Variants in BMAL1 observed in about 807,000 individuals in gnomAD.
The protein encoded by BMAL1 is basic helix-loop-helix ARNT-like protein 1.
chr11:13,379,894 GA>G, the BMAL1 span: 1 of 152,204 alleles, frequency 6.6e-6, no homozygotes, highest in Non-Finnish European at 1.5e-5. Context: ...AAACCTGTAA[GA>G]CCCCATTTGT....
chr11:13,340,634 C>A, the BMAL1 span, among the ~76,000 whole-genome samples: 111 of 152,312 alleles, frequency 7.3e-4, 2 homozygotes, highest in Admixed American at 5.8e-3. Flanking sequence ...CCTGCAGCCA[C>A]TCTCCTCAAC....
chr11:13,294,461 A>G, the BMAL1 span, among the ~76,000 whole-genome samples: 8 of 152,238 alleles, frequency 5.3e-5, no homozygotes, highest in Non-Finnish European at 1.0e-4. Context: ...TAATCTCACA[A>G]ATTAACACTC....
At chr11:13,354,436 C>A in the BMAL1 span, 1 of 1,614,038 alleles carries the variant, frequency 6.2e-7, no homozygotes, top group Non-Finnish European at 8.5e-7. Flanking sequence ...AAAGGCAGCT[C>A]CACTGACTAC....
chr11:13,356,752 A>G, the BMAL1 span: 2 of 1,614,230 alleles, frequency 1.2e-6, no homozygotes, highest in Non-Finnish European at 1.7e-6. Context: ...AAGCATGGAC[A>G]CAGACAAAGA....
At chr11:13,345,694 T>TA in the BMAL1 span, among the ~76,000 whole-genome samples, 1 of 152,180 alleles carries the variant, frequency 6.6e-6, no homozygotes, top group Non-Finnish European at 1.5e-5. Context: ...TCATTTTAAG[T>TA]AAGATAAGTT....
the BMAL1 span, among the ~76,000 whole-genome samples, chr11:13,373,161 G>A: frequency 3.3e-5 from 5 of 152,168 alleles, no homozygotes; most frequent in East Asian, 1.9e-4. Context: ...GTTGGACAGC[G>A]TTGATCTAAT....
the BMAL1 span, among the ~76,000 whole-genome samples, chr11:13,306,707 C>T: frequency 3.3e-5 from 5 of 152,168 alleles, no homozygotes; most frequent in Non-Finnish European, 7.3e-5. Context: ...CAGAAAACGG[C>T]GTGATGGGCC....
At chr11:13,278,352 G>A in the BMAL1 span, among the ~76,000 whole-genome samples, 482 of 152,334 alleles carry the variant, frequency 3.2e-3, 4 homozygotes, top group African/African-American at 0.011. Context: ...GGCCGAAGAG[G>A]ACTCCTAGAT....
chr11:13,358,623 C>A, the BMAL1 span: 2 of 1,515,292 alleles, frequency 1.3e-6, no homozygotes, highest in African/African-American at 2.8e-5. Context: ...TCCTTTATGT[C>A]CTTGCCCACA....
the BMAL1 span, among the ~76,000 whole-genome samples, chr11:13,370,340 C>T: frequency 4.6e-5 from 7 of 152,132 alleles, no homozygotes; most frequent in Non-Finnish European, 1.0e-4. Context: ...CAACAACTTC[C>T]ACATTCATAT....
chr11:13,372,132 G>A, the BMAL1 span: 4 of 1,611,266 alleles, frequency 2.5e-6, no homozygotes, highest in Non-Finnish European at 3.4e-6. Context: ...CAAACCTAGT[G>A]CTGACACTAA....
the BMAL1 span, among the ~76,000 whole-genome samples, chr11:13,293,319 G>C: frequency 6.6e-6 from 1 of 152,220 alleles, no homozygotes. Flanking sequence ...GGAGTCAGAA[G>C]ACCTAGGTTT....
the BMAL1 span, among the ~76,000 whole-genome samples, chr11:13,335,515 G>T: frequency 6.6e-6 from 1 of 152,314 alleles, no homozygotes; most frequent in Admixed American, 6.5e-5. Context: ...GGGAAGAGGG[G>T]AAGGCAGGGG....
At chr11:13,360,199 G>A in the BMAL1 span, 3 of 623,848 alleles carry the variant, frequency 4.8e-6, no homozygotes, top group Non-Finnish European at 8.2e-6. Context: ...CCAGATCTAG[G>A]CTCATCTCAG....
the BMAL1 span, among the ~76,000 whole-genome samples, chr11:13,331,996 A>G: frequency 3.3e-5 from 5 of 151,968 alleles, no homozygotes; most frequent in South Asian, 4.2e-4. Context: ...AGCGGCTAGC[A>G]TGGAGAGGAA....
At chr11:13,339,390 T>A in the BMAL1 span, among the ~76,000 whole-genome samples, 1 of 151,120 alleles carries the variant, frequency 6.6e-6, no homozygotes, top group Admixed American at 6.6e-5. Context: ...TTCCCCGGAC[T>A]GTTGTAGCCG....
the BMAL1 span, chr11:13,277,530 C>T: frequency 6.6e-6 from 1 of 152,244 alleles, no homozygotes; most frequent in Non-Finnish European, 1.5e-5. Flanking sequence ...AACCGGCTCC[C>T]GCCGCCTCGC....
chr11:13,298,422 GC>G, the BMAL1 span, among the ~76,000 whole-genome samples: 8 of 152,108 alleles, frequency 5.3e-5, no homozygotes, highest in African/African-American at 1.9e-4. Context: ...CTGGGTCACT[GC>G]CCCCCAAATG....
the BMAL1 span, chr11:13,356,893 G>A: frequency 1.3e-6 from 2 of 1,593,420 alleles, no homozygotes; most frequent in Non-Finnish European, 1.7e-6. Context: ...TGAGCAAGGA[G>A]GCCGTGAGCC....
Sources: allele counts gnomAD v4.1 joint callset (sites outside exome capture counted in the v4.1 genomes callset), GRCh38; gene constraint gnomAD v4.1.1; transcripts MANE v1.5; gene names NCBI Gene and HGNC (gene_info 2026-07-23, HGNC 2026-07-21).